Variants in GSDMC observed in about 807,000 individuals in gnomAD.
GSDMC encodes gasdermin C, also known as gasdermin-C.
In GSDMC, 59 loss-of-function variants were observed where a neutral mutation model predicts 58.0. The observed-to-expected ratio is 1.02, with a 90% CI of 0.82 to 1.26. The LOEUF (loss-of-function observed/expected upper bound fraction) is 1.26. Among genes scored for constraint, GSDMC ranks in the 50% most tolerant of loss-of-function variants. GSDMC has a pLI of 0.00. For missense variants in GSDMC, 659 were observed against 598.5 expected, an observed-to-expected ratio of 1.10 and a Z score of -1.06; for synonymous variants, 241 against 220.2, an observed-to-expected ratio of 1.09 and a Z score of -0.83.
intron 5 of GSDMC, among the ~76,000 whole-genome samples, chr8:129,762,083 C>T (rs1173589560): frequency 6.6e-6 from 1 of 152,166 alleles, no homozygotes; most frequent in Non-Finnish European, 1.5e-5. Flanking sequence ...GATGCTTCTG[C>T]CCACATGGAG....
chr8:129,749,815 G>C (rs2033099393), intron 12 of GSDMC, among the ~76,000 whole-genome samples, 175 bp downstream of exon 12: 1 of 152,168 alleles, frequency 6.6e-6, no homozygotes. Flanking sequence ...ACTCAATTCT[G>C]TGTCATACGG....
chr8:129,728,134 C>G, the GSDMC span, among the ~76,000 whole-genome samples: 5 of 152,268 alleles, frequency 3.3e-5, no homozygotes, highest in South Asian at 1.0e-3. Context: ...CCAGGCAGAT[C>G]TCCAGGCATT....
chr8:129,773,111 T>C (rs891560232), intron 3 of GSDMC, among the ~76,000 whole-genome samples: 1 of 152,218 alleles, frequency 6.6e-6, no homozygotes, highest in Non-Finnish European at 1.5e-5. Context: ...AGAAGAAATG[T>C]ACCTTAACAT....
chr8:129,768,099 A>T (rs2033928517), intron 3 of GSDMC, among the ~76,000 whole-genome samples: 1 of 152,154 alleles, frequency 6.6e-6, no homozygotes, highest in Admixed American at 6.5e-5. Flanking sequence ...CAGCCCGACC[A>T]TGGAGCACAG....
chr8:129,727,012 A>ACACG, the GSDMC span, among the ~76,000 whole-genome samples: 1 of 134,780 alleles, frequency 7.4e-6, no homozygotes, highest in Non-Finnish European at 1.5e-5. Flanking sequence ...ACACACACAC[A>ACACG]CACACACACA....
At chr8:129,770,075 C>G (rs939078220) in intron 3 of GSDMC, among the ~76,000 whole-genome samples, 1 of 152,214 alleles carries the variant, frequency 6.6e-6, no homozygotes, top group East Asian at 1.9e-4. Context: ...AAAAATAACT[C>G]TATAATAATT....
chr8:129,707,685 T>C, the GSDMC span, among the ~76,000 whole-genome samples: 3 of 152,258 alleles, frequency 2.0e-5, no homozygotes, highest in African/African-American at 4.8e-5. Flanking sequence ...CATTTCTTGA[T>C]ACACATATAT....
At chr8:129,765,547 G>A (rs1247124187) in intron 4 of GSDMC, 81 bp downstream of exon 4, 6 of 958,338 alleles carry the variant, frequency 6.3e-6, no homozygotes, top group Non-Finnish European at 8.5e-6. Flanking sequence ...AGAGTCCAGA[G>A]CCCCCTAGGA....
In GSDMC at chr8:129,779,003, T is replaced by A. The variant is rs143617096; in HGVS notation, c.-4-1412A>T. On this transcript the variant is annotated intron_variant, in intron 1 of 13. Transcript: ENST00000276708. ...TGGAGAAAAAGGAATGCTTATACAC[T>A]GTTGATGGGAATGTAAATTAGTTCA... is the stretch of plus-strand genomic sequence containing the variant. Among the ~76,000 whole-genome samples the A allele has an allele frequency of 6.3e-3, 965 of 152,310 alleles. 10 individuals are homozygous for A. The highest frequency in any genetic ancestry group is 0.022 in the African/African-American group (907 of 41,562).
At chr8:129,776,531 T>C (rs1483801481) in intron 2 of GSDMC, among the ~76,000 whole-genome samples, 1 of 152,102 alleles carries the variant, frequency 6.6e-6, no homozygotes, top group South Asian at 2.1e-4. Flanking sequence ...CCCTGAGAAA[T>C]AGTGGTGTCA....
chr8:129,752,184 T>A, intron 7 of GSDMC, 37 bp from the exon 8 acceptor site: 1 of 1,540,592 alleles, frequency 6.5e-7, no homozygotes, highest in Non-Finnish European at 9.0e-7. Context: ...TCACCAAACA[T>A]TAGTCTACCC....
At chr8:129,758,213 A>G (rs550218422) in intron 6 of GSDMC, among the ~76,000 whole-genome samples, 77 of 152,330 alleles carry the variant, frequency 5.1e-4, no homozygotes, top group African/African-American at 1.7e-3. Context: ...GAAGAAAGAT[A>G]CCTCAACATG....
chr8:129,711,834 A>C, the GSDMC span, among the ~76,000 whole-genome samples: 1 of 152,252 alleles, frequency 6.6e-6, no homozygotes, highest in South Asian at 2.1e-4. Flanking sequence ...GAATGAGATA[A>C]CTGAAGAACA....
At chr8:129,774,549 AAAG>A (rs1453103175) in intron 3 of GSDMC, among the ~76,000 whole-genome samples, 95 of 151,978 alleles carry the variant, frequency 6.3e-4, no homozygotes, top group African/African-American at 2.1e-3. Context: ...AAAGAAAAGA[AAAG>A]AAAAAATAAG....
chr8:129,736,036 A>C, the GSDMC span, among the ~76,000 whole-genome samples: 2 of 152,222 alleles, frequency 1.3e-5, no homozygotes, highest in African/African-American at 4.8e-5. Flanking sequence ...ACCTCTACTC[A>C]AATAAACTAG....
At chr8:129,743,907 C>T (rs1299239587), downstream of GSDMC, among the ~76,000 whole-genome samples, 1 of 152,152 alleles carries the variant, frequency 6.6e-6, no homozygotes, top group African/African-American at 2.4e-5. Context: ...TCTGCCAGAA[C>T]CAGTCAAGCT....
chr8:129,728,830 G>T, the GSDMC span: 1 of 587,406 alleles, frequency 1.7e-6, no homozygotes, highest in Non-Finnish European at 3.3e-6. Context: ...ACCCTGAGCT[G>T]AGGTAGCCCG....
chr8:129,721,419 C>T, the GSDMC span, among the ~76,000 whole-genome samples: 1 of 152,162 alleles, frequency 6.6e-6, no homozygotes, highest in African/African-American at 2.4e-5. Context: ...AATCCTACTG[C>T]CTTACTCTTC....
At chr8:129,752,666 A>G (rs2033257702) in intron 7 of GSDMC, 32 bp downstream of exon 7, 1 of 1,612,370 alleles carries the variant, frequency 6.2e-7, no homozygotes, top group African/African-American at 1.3e-5. Context: ...GCATCAACAT[A>G]GAAGTAAAAA....
Sources: gnomAD v4.1 joint callset for allele counts (sites outside exome capture counted in the v4.1 genomes callset) on GRCh38, gnomAD v4.1.1 for gene constraint, MANE v1.5 for transcripts, NCBI Gene and HGNC (gene_info 2026-07-23, HGNC 2026-07-21) for gene names.